TUSC3: variants seen among roughly 807,000 people sequenced by gnomAD.
TUSC3 encodes dolichyl-diphosphooligosaccharide--protein glycosyltransferase subunit TUSC3.
Under a neutral mutation model 44.8 loss-of-function variants are expected in TUSC3, and 45 were observed. The observed-to-expected ratio is 1.00, with a 90% CI of 0.79 to 1.29. TUSC3 has a LOEUF of 1.29. TUSC3 is among the 50% of genes most tolerant of loss of function. The pLI, the probability that TUSC3 is intolerant of heterozygous loss-of-function variation, is 0.00. For synonymous variants in TUSC3, 212 were observed against 152.9 expected, an observed-to-expected ratio of 1.39 and a Z score of -2.85; for missense variants, 519 against 437.9, an observed-to-expected ratio of 1.19 and a Z score of -1.65.
intron 2 of TUSC3, among the ~76,000 whole-genome samples, chr8:15,635,101 A>G (rs1396188808): frequency 1.3e-5 from 2 of 151,828 alleles, no homozygotes. Context: ...CAGGGGATAT[A>G]TTGGTTGAGT....
chr8:15,634,947 AG>A (rs1021701607), intron 2 of TUSC3, among the ~76,000 whole-genome samples: 15 of 152,212 alleles, frequency 9.9e-5, no homozygotes, highest in African/African-American at 3.6e-4. Flanking sequence ...AGGAGGGCTT[AG>A]TGTGAAGTAC....
At chr8:15,586,636 G>A (rs770352161) in intron 1 of TUSC3, among the ~76,000 whole-genome samples, 4 of 152,110 alleles carry the variant, frequency 2.6e-5, no homozygotes, top group Non-Finnish European at 4.4e-5. Flanking sequence ...AGAAACTGAG[G>A]AGATTAATGC....
chr8:15,805,311 G>T, the TUSC3 span, among the ~76,000 whole-genome samples: 1 of 151,972 alleles, frequency 6.6e-6, no homozygotes, highest in Non-Finnish European at 1.5e-5. Flanking sequence ...TCCTATTTGG[G>T]TGCCTTGAAT....
At chr8:15,528,686 C>G (rs915461132) in intron 2 of TUSC3, among the ~76,000 whole-genome samples, 2 of 152,228 alleles carry the variant, frequency 1.3e-5, no homozygotes, top group African/African-American at 4.8e-5. Context: ...CAGAGATACT[C>G]CCTGCATACT....
chr8:15,512,350 G>T (rs1034315831), intron 2 of TUSC3, among the ~76,000 whole-genome samples: 11 of 152,154 alleles, frequency 7.2e-5, no homozygotes, highest in African/African-American at 2.7e-4. Flanking sequence ...GAACAAGAAG[G>T]AATTCTGCCA....
At chr8:15,790,302 C>T in the TUSC3 span, among the ~76,000 whole-genome samples, 1 of 150,066 alleles carries the variant, frequency 6.7e-6, no homozygotes, top group African/African-American at 2.5e-5. Context: ...TCTCCTGCCT[C>T]AGCCTCCCAA....
At position 15,464,518 on chromosome 8, in the gene TUSC3, A is replaced by C. The variant is rs377180658; in HGVS notation, n.92-18868A>C. Among the ~76,000 whole-genome samples, 84 of 152,292 alleles carry C rather than the reference A, an allele frequency of 5.5e-4. 1 individual carries two copies. The South Asian group carries it at 0.016, about 29-fold the overall frequency. On this transcript the variant is annotated intron_variant and non_coding_transcript_variant, in intron 1 of 5. Transcript: ENST00000503191. ...TGCTTTCTATCTAGTGATCTGTTTG[A>C]CACCTGAAACAAATATATGTGTTAA...
chr8:15,475,606 A>T (rs2129123674), intron 1 of TUSC3, among the ~76,000 whole-genome samples: 1 of 152,274 alleles, frequency 6.6e-6, no homozygotes, highest in Middle Eastern at 3.4e-3. Context: ...TAAGTAAATC[A>T]ACTGGAAAAC....
chr8:15,765,425 G>T lies in TUSC3; in HGVS notation c.*1269G>T, dbSNP rs1812300605. The stretch of plus-strand genomic sequence containing the variant: ...TTTGAGTAACAGACCATGGAGAATT[G>T]TTTTCATTGGGAGTTCCAGCTATAT... On this transcript the variant is annotated 3_prime_UTR_variant, in exon 11 of 11. Coordinates refer to ENST00000503731, the MANE Select transcript of TUSC3 (RefSeq NM_006765.4). 6.6e-6 allele frequency: 1 copy of T among 151,918 alleles called. No individual in the cohort carries two copies. The highest frequency in any genetic ancestry group is 2.1e-4 in the South Asian group (1 of 4,822). The allele number at this position is 151,918 out of a possible 1,614,324, so 9.4% of individuals were successfully genotyped here. A position where few individuals can be genotyped will look rare whatever the true frequency, so the allele number is the denominator to read the frequency against.
At chr8:15,656,152 T>G (rs1270965218) in intron 3 of TUSC3, among the ~76,000 whole-genome samples, 1 of 152,082 alleles carries the variant, frequency 6.6e-6, no homozygotes, top group African/African-American at 2.4e-5. Flanking sequence ...ACCATCATAT[T>G]CTGCCCCTAA....
At chr8:15,646,711 C>G (rs1806649367) in intron 2 of TUSC3, among the ~76,000 whole-genome samples, 2 of 152,100 alleles carry the variant, frequency 1.3e-5, no homozygotes, top group South Asian at 4.1e-4. Context: ...TTGCACTCAT[C>G]TGATTTGCAC....
At chr8:15,700,331 T>A (rs1809343245) in intron 6 of TUSC3, among the ~76,000 whole-genome samples, 1 of 152,174 alleles carries the variant, frequency 6.6e-6, no homozygotes, top group Admixed American at 6.5e-5. Flanking sequence ...GCTGAATTCC[T>A]GTATTTGTGA....
At chr8:15,843,704 A>G in the TUSC3 span, among the ~76,000 whole-genome samples, 1 of 151,638 alleles carries the variant, frequency 6.6e-6, no homozygotes. Flanking sequence ...CTATATCTAA[A>G]TATAAGATGT....
At chr8:15,790,260 G>A in the TUSC3 span, among the ~76,000 whole-genome samples, 17 of 135,420 alleles carry the variant, frequency 1.3e-4, no homozygotes, top group Admixed American at 6.0e-4. Flanking sequence ...ATTTTGGCTC[G>A]CTGCAACCTC....
At chr8:15,499,644 G>T (rs546506163) in intron 2 of TUSC3, among the ~76,000 whole-genome samples, 1 of 152,058 alleles carries the variant, frequency 6.6e-6, no homozygotes, top group Admixed American at 6.5e-5. Flanking sequence ...ACTGGTCCAC[G>T]GGGTGCTTAG....
At chr8:15,743,654 T>G (rs372425363) in intron 8 of TUSC3, 42 bp downstream of exon 8, 23 of 1,596,242 alleles carry the variant, frequency 1.4e-5, no homozygotes, top group Non-Finnish European at 1.9e-5. Context: ...CGTTTTAGTC[T>G]TAAGATTCAT....
At chr8:15,503,137 T>G (rs1277214109) in intron 2 of TUSC3, among the ~76,000 whole-genome samples, 1 of 151,954 alleles carries the variant, frequency 6.6e-6, no homozygotes, top group East Asian at 1.9e-4. Context: ...GGTTGGGTCT[T>G]CAAAGAGGTA....
intron 1 of TUSC3, among the ~76,000 whole-genome samples, chr8:15,429,721 T>G (rs901652940): frequency 1.3e-5 from 2 of 151,684 alleles, no homozygotes; most frequent in African/African-American, 2.4e-5. Flanking sequence ...TTAGGTATTT[T>G]ATTCTCTTTG....
chr8:15,749,154 C>G (rs968838736), intron 9 of TUSC3, among the ~76,000 whole-genome samples: 2 of 151,964 alleles, frequency 1.3e-5, no homozygotes, highest in Non-Finnish European at 2.9e-5. Flanking sequence ...TCTAAGGAGT[C>G]CTTCTTTTAG....
Sources: allele counts gnomAD v4.1 joint callset (sites outside exome capture counted in the v4.1 genomes callset), GRCh38; gene constraint gnomAD v4.1.1; transcripts MANE v1.5; gene names NCBI Gene and HGNC (gene_info 2026-07-23, HGNC 2026-07-21).